Variants in HECW2 observed in about 807,000 individuals in gnomAD.
HECW2 encodes the protein E3 ubiquitin-protein ligase HECW2.
A neutral mutation model predicts 175.2 loss-of-function variants in HECW2; 61 were observed. The observed-to-expected ratio is 0.35, with a 90% CI of 0.28 to 0.43. The LOEUF (loss-of-function observed/expected upper bound fraction) is 0.43. Among genes scored for constraint, HECW2 ranks in the 20% least tolerant of loss-of-function variants. HECW2 has a pLI of 1.00. For synonymous variants in HECW2, 671 were observed against 731.0 expected (o/e 0.92, Z 1.32); for missense variants, 1,524 against 2,000.5 (o/e 0.76, Z 4.54).
At chr2:196,527,560 A>C (rs913451921) in intron 1 of HECW2, among the ~76,000 whole-genome samples, 1 of 152,248 alleles carries the variant, frequency 6.6e-6, no homozygotes, top group Non-Finnish European at 1.5e-5. Flanking sequence ...CCCAAGCTCA[A>C]CTCAGGTCTG....
intron 14 of HECW2, among the ~76,000 whole-genome samples, chr2:196,284,810 T>C (rs1690320734): frequency 6.6e-6 from 1 of 152,180 alleles, no homozygotes; most frequent in Admixed American, 6.5e-5. Context: ...TATCACATAT[T>C]AATAAATGCT....
At chr2:196,227,777 A>G (rs1687907153) in intron 22 of HECW2, among the ~76,000 whole-genome samples, 1 of 152,186 alleles carries the variant, frequency 6.6e-6, no homozygotes, top group African/African-American at 2.4e-5. Flanking sequence ...AGGCACCCAA[A>G]GGTACAGAGA....
chr2:196,372,760 AT>A lies in HECW2; in HGVS notation c.293-28997del, dbSNP rs551014124. Among the ~76,000 whole-genome samples, 624 of 152,100 alleles carry A rather than the reference AT, an allele frequency of 4.1e-3. 21 individuals carry two copies. Among genetic ancestry groups the A allele is most frequent in the Admixed American group, 0.039 (596 of 15,270 alleles). ...AATTTGTTCATTTTATTTGCTTAAC[AT>A]TTTTTTTAGAAACCCAATTTTTAAG... On this transcript the variant is annotated intron_variant, in intron 2 of 28. Transcript: ENST00000644978.
chr2:196,206,424 T>TA (rs1183621579), intron 28 of HECW2, among the ~76,000 whole-genome samples: 2 of 152,196 alleles, frequency 1.3e-5, no homozygotes, highest in Non-Finnish European at 2.9e-5. Context: ...TCCCTACAGA[T>TA]AGACAAGTCA....
chr2:196,428,148 G>T (rs769844386), intron 2 of HECW2, among the ~76,000 whole-genome samples: 2 of 152,102 alleles, frequency 1.3e-5, no homozygotes, highest in Non-Finnish European at 2.9e-5. Flanking sequence ...GCCACACCTC[G>T]TCAGCTTGAT....
intron 25 of HECW2, 131 bp from the exon 26 acceptor site, chr2:196,220,284 A>G: frequency 3.1e-6 from 2 of 642,300 alleles, no homozygotes; most frequent in South Asian, 3.7e-5. Context: ...GCACTTGAAA[A>G]CCTGTAAAGC....
At chr2:196,308,365 T>C (rs1691349586) in intron 10 of HECW2, among the ~76,000 whole-genome samples, 1 of 152,212 alleles carries the variant, frequency 6.6e-6, no homozygotes, top group Non-Finnish European at 1.5e-5. Flanking sequence ...CCTTCACGTA[T>C]GAGCCCCAGC....
chr2:196,512,579 G>A (rs1258968376), intron 1 of HECW2, among the ~76,000 whole-genome samples: 1 of 151,922 alleles, frequency 6.6e-6, no homozygotes, highest in Non-Finnish European at 1.5e-5. Context: ...GGGCATAGAT[G>A]AGGTCTCACT....
rs748423196 is a variant in HECW2 at position 196,292,622 on chromosome 2, C to T, written c.2943G>A (p.Ala981=). ...RDLVGFLNMF[A]NKQLELPRGW... is the part of the protein sequence containing the mutation. ...CCCGCGGCAGCTCTAGCTGTTTGTT[C>T]GCGAACATGTTGAGGAATCCCACAA... is the stretch of plus-strand genomic sequence containing the variant. The change falls in exon 14 of 29, where the codon GCG becomes GCA. Residue 981 remains alanine (A), a synonymous_variant. Coordinates refer to ENST00000644978, the MANE Select transcript of HECW2 (RefSeq NM_001348768.2). 9.9e-6 allele frequency: 16 copies of T among 1,613,972 alleles called. No homozygotes were observed. The highest frequency in any genetic ancestry group is 2.2e-5 in the South Asian group (2 of 91,076).
intron 1 of HECW2, among the ~76,000 whole-genome samples, chr2:196,456,172 TAAGTTA>T (rs1696505804): frequency 6.6e-6 from 1 of 152,156 alleles, no homozygotes; most frequent in African/African-American, 2.4e-5. Flanking sequence ...AGCTCTTCTT[TAAGTTA>T]AACAACAGAA....
intron 17 of HECW2, among the ~76,000 whole-genome samples, chr2:196,259,802 A>G (rs1689214640): frequency 6.6e-6 from 1 of 152,228 alleles, no homozygotes; most frequent in Non-Finnish European, 1.5e-5. Context: ...GCTAAATCAG[A>G]GGAAAGTTAT....
chr2:196,486,077 A>T (rs1313893504), intron 1 of HECW2, among the ~76,000 whole-genome samples: 9 of 152,112 alleles, frequency 5.9e-5, no homozygotes, highest in Non-Finnish European at 1.5e-5. Context: ...GAAACATGGC[A>T]ATTTTTGTGG....
At chr2:196,460,682 C>T (rs1696707162) in intron 1 of HECW2, among the ~76,000 whole-genome samples, 1 of 151,838 alleles carries the variant, frequency 6.6e-6, no homozygotes, top group African/African-American at 2.4e-5. Flanking sequence ...CCATAACTGG[C>T]TCACTGCAGC....
intron 1 of HECW2, among the ~76,000 whole-genome samples, chr2:196,514,376 G>A (rs13424277): frequency 0.023 from 3,458 of 152,298 alleles, 120 homozygotes; most frequent in African/African-American, 0.077. Context: ...GGCTGAGGGC[G>A]GCTCGGCACA....
At chr2:196,247,837 T>A (rs1370380141) in intron 19 of HECW2, among the ~76,000 whole-genome samples, 1 of 152,156 alleles carries the variant, frequency 6.6e-6, no homozygotes, top group Non-Finnish European at 1.5e-5. Flanking sequence ...TAGCACTGGT[T>A]CTCCGTATTG....
intron 2 of HECW2, among the ~76,000 whole-genome samples, chr2:196,431,643 C>A (rs1248640849): frequency 6.6e-6 from 1 of 152,120 alleles, no homozygotes; most frequent in African/African-American, 2.4e-5. Flanking sequence ...AGGGTTACAT[C>A]TAAAGTCCCA....
rs563997240 is a variant in HECW2 at position 196,403,326 on chromosome 2, A to G, written c.292+29806T>C. On this transcript the variant is annotated intron_variant, in intron 2 of 28. Coordinates refer to ENST00000644978, the MANE Select transcript of HECW2 (RefSeq NM_001348768.2). ...CAGATACATGTTCAGGAACATGATC[A>G]CAGTAATAAAGCAACAGATGCTTAA... is the stretch of plus-strand genomic sequence containing the variant. Among the ~76,000 whole-genome samples the G allele has an allele frequency of 2.0e-5, 3 of 152,346 alleles. No individual in the cohort carries two copies. The East Asian group carries it at 5.8e-4, about 29-fold the overall frequency.
intron 1 of HECW2, among the ~76,000 whole-genome samples, chr2:196,452,154 T>C (rs960210031): frequency 6.6e-6 from 1 of 152,136 alleles, no homozygotes; most frequent in Non-Finnish European, 1.5e-5. Context: ...CTATTGATCA[T>C]TTGAAATGTG....
intron 1 of HECW2, among the ~76,000 whole-genome samples, chr2:196,506,089 C>T (rs992257077): frequency 2.0e-5 from 3 of 151,952 alleles, no homozygotes; most frequent in Non-Finnish European, 2.9e-5. Context: ...AGTTCAAGTT[C>T]AGTGAGGAGG....
Sources: gnomAD v4.1 joint callset for allele counts (sites outside exome capture counted in the v4.1 genomes callset) on GRCh38, gnomAD v4.1.1 for gene constraint, MANE v1.5 for transcripts, NCBI Gene and HGNC (gene_info 2026-07-23, HGNC 2026-07-21) for gene names.